ADAMTS19: variants seen among roughly 807,000 people sequenced by gnomAD.
ADAMTS19 encodes A disintegrin and metalloproteinase with thrombospondin motifs 19.
A neutral mutation model predicts 153.3 loss-of-function variants in ADAMTS19; 93 were observed. That is an observed-to-expected ratio of 0.61 (90% confidence interval 0.51 to 0.72). The LOEUF (loss-of-function observed/expected upper bound fraction) is 0.72, where lower values mean the gene tolerates loss of function less well. ADAMTS19 is among the 30% of genes least tolerant of loss of function. ADAMTS19 has a pLI of 0.00. For missense variants in ADAMTS19, 1,482 were observed against 1,552.1 expected (o/e 0.95, Z 0.76); for synonymous variants, 600 against 556.6 (o/e 1.08, Z -1.10).
chr5:129,492,926 T>C (rs1750814845), intron 2 of ADAMTS19, among the ~76,000 whole-genome samples: 1 of 152,172 alleles, frequency 6.6e-6, no homozygotes. Context: ...AAGTGAATAT[T>C]ACACTATATA....
intron 7 of ADAMTS19, among the ~76,000 whole-genome samples, chr5:129,580,672 C>G (rs1176287324): frequency 6.6e-6 from 1 of 152,148 alleles, no homozygotes; most frequent in Non-Finnish European, 1.5e-5. Flanking sequence ...ATGGCCGTTT[C>G]TGCATCTATT....
chr5:129,702,937 A>ATATATATATATATAT, intron 20 of ADAMTS19, among the ~76,000 whole-genome samples: 5 of 13,868 alleles, frequency 3.6e-4, no homozygotes, highest in African/African-American at 9.0e-4. Flanking sequence ...GCCAAAAAAA[A>ATATATATATATATAT]AAAAATATAT....
chr5:129,470,356 G>A (rs987475210), intron 2 of ADAMTS19, among the ~76,000 whole-genome samples: 1 of 152,196 alleles, frequency 6.6e-6, no homozygotes, highest in Non-Finnish European at 1.5e-5. Context: ...AGAATCAGAG[G>A]AGTTGCAGGT....
At chr5:129,655,120 C>G (rs1753488369) in intron 14 of ADAMTS19, among the ~76,000 whole-genome samples, 1 of 152,110 alleles carries the variant, frequency 6.6e-6, no homozygotes, top group African/African-American at 2.4e-5. Context: ...AGTTTAATGC[C>G]AAGTGTTTTC....
Position 129,528,672 on chromosome 5 carries a change from A to T in ADAMTS19, c.1323A>T (p.Ile441=), listed in dbSNP as rs182628422. The change falls in exon 6 of 23, where the codon ATA becomes ATT. Residue 441 remains isoleucine, a synonymous_variant. Transcript: ENST00000274487. The part of the protein sequence containing the change: ...DMTSVDAAIL[I]TRKDFCVHKD... The stretch of plus-strand genomic sequence containing the variant: ...CTTCAGTGGATGCAGCTATACTTAT[A>T]ACAAGGTAAATTTTCCAATGCCAAT... 4.1e-5 allele frequency: 65 copies of T among 1,583,580 alleles called. No homozygotes were observed. In the East Asian group the frequency reaches 1.4e-3, roughly 33 times the overall value.
At chr5:129,612,608 T>A (rs1359049061) in intron 8 of ADAMTS19, among the ~76,000 whole-genome samples, 1 of 152,016 alleles carries the variant, frequency 6.6e-6, no homozygotes, top group Non-Finnish European at 1.5e-5. Flanking sequence ...AGAACATCGA[T>A]GCTAGGAAGA....
At chr5:129,663,674 G>A (rs907638341) in intron 15 of ADAMTS19, among the ~76,000 whole-genome samples, 1 of 152,130 alleles carries the variant, frequency 6.6e-6, no homozygotes, top group African/African-American at 2.4e-5. Context: ...TTAGTGTCCT[G>A]ACACTGTTAC....
chr5:129,591,828 G>A (rs1053750117), intron 7 of ADAMTS19, among the ~76,000 whole-genome samples: 6 of 152,072 alleles, frequency 3.9e-5, no homozygotes, highest in African/African-American at 1.4e-4. Context: ...CTGGAGCCCA[G>A]AGACTTAACT....
At chr5:129,736,286 G>A (rs1757660789) in intron 22 of ADAMTS19, among the ~76,000 whole-genome samples, 2 of 151,948 alleles carry the variant, frequency 1.3e-5, no homozygotes, top group African/African-American at 4.8e-5. Context: ...ATTATTCCTT[G>A]AAGGTATACC....
intron 7 of ADAMTS19, among the ~76,000 whole-genome samples, chr5:129,554,091 G>A (rs1240640136): frequency 6.6e-6 from 1 of 152,144 alleles, no homozygotes. Context: ...ATCTAGAGAT[G>A]ATTCGAAGTA....
At chr5:129,534,135 A>T (rs1337759546) in intron 6 of ADAMTS19, among the ~76,000 whole-genome samples, 1 of 151,994 alleles carries the variant, frequency 6.6e-6, no homozygotes, top group African/African-American at 2.4e-5. Flanking sequence ...GCTGAGTCCA[A>T]TTCCTGGATA....
At chr5:129,727,801 A>G (rs746057635) in intron 21 of ADAMTS19, among the ~76,000 whole-genome samples, 2 of 152,182 alleles carry the variant, frequency 1.3e-5, no homozygotes, top group Non-Finnish European at 2.9e-5. Flanking sequence ...TCTTTCTCTT[A>G]GCATTGAATG....
chr5:129,714,729 T>G (rs1756645033), intron 21 of ADAMTS19, among the ~76,000 whole-genome samples: 1 of 152,300 alleles, frequency 6.6e-6, no homozygotes, highest in African/African-American at 2.4e-5. Context: ...GGAAAAAAAT[T>G]ACAACTCATT....
intron 7 of ADAMTS19, among the ~76,000 whole-genome samples, chr5:129,559,870 CAATT>C (rs1341513825): frequency 1.2e-4 from 19 of 152,002 alleles, no homozygotes; most frequent in African/African-American, 4.6e-4. Flanking sequence ...AGTCAGTGCT[CAATT>C]AGATTTATTC....
chr5:129,602,569 G>A (rs1167036311), intron 8 of ADAMTS19, among the ~76,000 whole-genome samples: 1 of 152,084 alleles, frequency 6.6e-6, no homozygotes, highest in East Asian at 1.9e-4. Context: ...TTTTACAGAT[G>A]AGAAAATAAA....
chr5:129,519,629 C>A (rs1286358972), intron 3 of ADAMTS19, among the ~76,000 whole-genome samples: 1 of 145,494 alleles, frequency 6.9e-6, no homozygotes, highest in Non-Finnish European at 1.5e-5. Flanking sequence ...AGGCTGCCCT[C>A]CCTATTCTCA....
In ADAMTS19 at chr5:129,718,070, G is replaced by A. The variant is rs535779526; in HGVS notation, c.3312+13679G>A. On this transcript the variant is annotated intron_variant, in intron 21 of 22. Coordinates refer to ENST00000274487, the MANE Select transcript of ADAMTS19 (RefSeq NM_133638.6). Reference sequence around the variant, plus strand: ...TTTAGCAAACTGATTTCTGATCTGAGTTCTCACAGAATTGCAAGTGTGCCC... The same window carrying A: ...TTTAGCAAACTGATTTCTGATCTGAATTCTCACAGAATTGCAAGTGTGCCC... Among the ~76,000 whole-genome samples, 4 of 152,260 alleles carry A rather than the reference G, an allele frequency of 2.6e-5. No individual in the cohort carries two copies. In the East Asian group the frequency reaches 7.7e-4, roughly 29 times the overall value.
At chr5:129,542,334 AC>A (rs1454809416) in intron 6 of ADAMTS19, among the ~76,000 whole-genome samples, 1 of 152,164 alleles carries the variant, frequency 6.6e-6, no homozygotes, top group Non-Finnish European at 1.5e-5. Flanking sequence ...TGACTAGAAT[AC>A]ACTGAAATAC....
At chr5:129,467,054 TCA>T (rs551808743) in intron 2 of ADAMTS19, among the ~76,000 whole-genome samples, 80 of 152,336 alleles carry the variant, frequency 5.3e-4, no homozygotes, top group Non-Finnish European at 8.8e-4. Flanking sequence ...TATTTTGCAC[TCA>T]GATTTAATTA....
Sources: gnomAD v4.1 joint callset for allele counts (sites outside exome capture counted in the v4.1 genomes callset) on GRCh38, gnomAD v4.1.1 for gene constraint, MANE v1.5 for transcripts, NCBI Gene and HGNC (gene_info 2026-07-23, HGNC 2026-07-21) for gene names.